NSMCE2: variants seen among roughly 807,000 people sequenced by gnomAD.
The protein encoded by NSMCE2 is E3 SUMO-protein ligase NSE2.
In NSMCE2, 24 loss-of-function variants were observed where a neutral mutation model predicts 23.8. That is an observed-to-expected ratio of 1.01 (90% confidence interval 0.73 to 1.42). The LOEUF is 1.42. Among genes scored for constraint, NSMCE2 ranks in the 40% most tolerant of loss-of-function variants. NSMCE2 has a pLI of 0.00. For missense variants in NSMCE2, 284 were observed against 296.5 expected, an observed-to-expected ratio of 0.96 and a Z score of 0.31; for synonymous variants, 92 against 94.1, an observed-to-expected ratio of 0.98 and a Z score of 0.13.
intron 3 of NSMCE2, among the ~76,000 whole-genome samples, chr8:125,108,030 T>C (rs1193416912): frequency 9.0e-6 from 1 of 110,720 alleles, no homozygotes; most frequent in Non-Finnish European, 1.6e-5. Context: ...CCAGAGCCTG[T>C]CTCAAAAAAA....
intron 5 of NSMCE2, among the ~76,000 whole-genome samples, chr8:125,201,228 G>C (rs747080024): frequency 6.6e-6 from 1 of 152,234 alleles, no homozygotes; most frequent in African/African-American, 2.4e-5. Flanking sequence ...GAGGAGCTGT[G>C]ATCCGTTGGA....
rs553679279 is a variant in NSMCE2 at position 125,266,168 on chromosome 8, C to T, written c.418+83912C>T. Among the ~76,000 whole-genome samples, 45 of 151,648 alleles carry T rather than the reference C, an allele frequency of 3.0e-4. 1 individual carries two copies. The highest frequency in any genetic ancestry group is 4.9e-4 in the Non-Finnish European group (33 of 67,898). On this transcript the variant is annotated intron_variant, in intron 5 of 7. Transcript: ENST00000287437. The stretch of plus-strand genomic sequence containing the variant: ...AGTGCAATGCGCGATCTCCGCTCAC[C>T]GCAACCTCCGCCTCCCAGGTTCAAG...
chr8:125,198,095 G>A (rs151169645), intron 5 of NSMCE2, among the ~76,000 whole-genome samples: 3,632 of 152,260 alleles, frequency 0.024, 72 homozygotes, highest in Middle Eastern at 0.051. Context: ...GGGCTCAGAC[G>A]ATGGGGTTTT....
chr8:125,334,423 G>A (rs893113656), intron 5 of NSMCE2, among the ~76,000 whole-genome samples: 1 of 152,184 alleles, frequency 6.6e-6, no homozygotes. Flanking sequence ...GGGGATCCAT[G>A]AACGTTGAAT....
chr8:125,182,382 C>T (rs188068506), intron 5 of NSMCE2, 126 bp downstream of exon 5: 35 of 781,872 alleles, frequency 4.5e-5, no homozygotes, highest in Non-Finnish European at 5.0e-5. Context: ...TTCTAAGTTG[C>T]GTTTTATTGT....
At position 125,264,093 on chromosome 8, in the gene NSMCE2, A is replaced by G. The variant is rs987319566; in HGVS notation, c.418+81837A>G. ...CCTCTGAATTTTCTCCAACGAACATAGAGACAAGTGTAATCCAGGTCCATG... is the reference window on the plus strand; with the variant it reads ...CCTCTGAATTTTCTCCAACGAACATGGAGACAAGTGTAATCCAGGTCCATG... On this transcript the variant is annotated intron_variant, in intron 5 of 7. Transcript: ENST00000287437. Among the ~76,000 whole-genome samples, 8 of 152,322 alleles carry G rather than the reference A, an allele frequency of 5.3e-5. No individual in the cohort carries two copies. The East Asian group carries it at 1.5e-3, about 29-fold the overall frequency.
chr8:125,242,610 G>T (rs1026295866), intron 5 of NSMCE2, among the ~76,000 whole-genome samples: 3 of 152,032 alleles, frequency 2.0e-5, no homozygotes, highest in Admixed American at 2.0e-4. Context: ...AGTAAACAGA[G>T]GGCCCTCTGA....
At chr8:125,177,545 ACAT>A (rs1822558740) in intron 4 of NSMCE2, among the ~76,000 whole-genome samples, 1 of 152,150 alleles carries the variant, frequency 6.6e-6, no homozygotes, top group South Asian at 2.1e-4. Context: ...TCGTTCACCC[ACAT>A]CATCTGAGCA....
intron 5 of NSMCE2, among the ~76,000 whole-genome samples, chr8:125,244,324 A>G (rs927353361): frequency 6.6e-6 from 1 of 152,120 alleles, no homozygotes; most frequent in African/African-American, 2.4e-5. Context: ...TTCCTAAGTT[A>G]CTCATTCTGT....
chr8:125,133,602 A>G (rs1428183304), intron 3 of NSMCE2, among the ~76,000 whole-genome samples: 2 of 151,820 alleles, frequency 1.3e-5, no homozygotes, highest in Non-Finnish European at 2.9e-5. Context: ...TTAGTGAGGC[A>G]TGGTGGCTCG....
intron 5 of NSMCE2, among the ~76,000 whole-genome samples, chr8:125,213,583 C>A (rs1209094673): frequency 1.5e-5 from 2 of 131,298 alleles, no homozygotes; most frequent in African/African-American, 5.6e-5. Context: ...CCCCTCTTTC[C>A]TTTCTTCTCC....
chr8:125,330,488 T>A (rs956781301), intron 5 of NSMCE2, among the ~76,000 whole-genome samples: 3 of 152,012 alleles, frequency 2.0e-5, no homozygotes, highest in African/African-American at 7.2e-5. Flanking sequence ...CAGAACTAGT[T>A]TTTGGACACA....
At chr8:125,268,459 A>G (rs1287336103) in intron 5 of NSMCE2, among the ~76,000 whole-genome samples, 3 of 152,164 alleles carry the variant, frequency 2.0e-5, no homozygotes, top group African/African-American at 7.2e-5. Context: ...AACAACAACA[A>G]GCAAAAAGAA....
chr8:125,155,663 A>C (rs530219020), intron 4 of NSMCE2, among the ~76,000 whole-genome samples: 1 of 152,308 alleles, frequency 6.6e-6, no homozygotes, highest in East Asian at 1.9e-4. Context: ...AAATAAACCC[A>C]GTGGTAGTAC....
intron 5 of NSMCE2, among the ~76,000 whole-genome samples, chr8:125,252,385 GAT>G (rs1426097052): frequency 4.6e-5 from 7 of 152,270 alleles, no homozygotes; most frequent in Non-Finnish European, 1.0e-4. Flanking sequence ...AAATTAGCTG[GAT>G]GTGGTGGTGG....
intron 5 of NSMCE2, among the ~76,000 whole-genome samples, chr8:125,284,819 A>G (rs1426988395): frequency 1.3e-5 from 2 of 152,234 alleles, no homozygotes; most frequent in Admixed American, 1.3e-4. Flanking sequence ...GATTAATCAA[A>G]ACAGTGAAAA....
chr8:125,162,750 A>G (rs569523880), intron 4 of NSMCE2, among the ~76,000 whole-genome samples: 3 of 152,322 alleles, frequency 2.0e-5, no homozygotes, highest in South Asian at 2.1e-4. Flanking sequence ...AGGCTGATTT[A>G]AATTGGTGAA....
chr8:125,170,442 C>G (rs1457044517), intron 4 of NSMCE2, among the ~76,000 whole-genome samples: 1 of 111,228 alleles, frequency 9.0e-6, no homozygotes, highest in East Asian at 3.2e-4. Context: ...CTCTTGGCCT[C>G]TTGGGCAGGC....
At chr8:125,360,277 CA>C (rs1370408184) in intron 7 of NSMCE2, among the ~76,000 whole-genome samples, 14 of 152,276 alleles carry the variant, frequency 9.2e-5, no homozygotes, top group African/African-American at 2.6e-4. Context: ...GTTTTGCAGT[CA>C]GGGGAGGACT....
Sources: allele counts gnomAD v4.1 joint callset (sites outside exome capture counted in the v4.1 genomes callset), GRCh38; gene constraint gnomAD v4.1.1; transcripts MANE v1.5; gene names NCBI Gene and HGNC (gene_info 2026-07-23, HGNC 2026-07-21).